Variants in SUPV3L1 observed in about 807,000 individuals in gnomAD.
SUPV3L1 encodes Suv3 like RNA helicase.
SUPV3L1 carries 35 observed loss-of-function variants against 70.0 expected under a neutral mutation model. That is an observed-to-expected ratio of 0.50 (90% CI 0.38 to 0.66). SUPV3L1 has a LOEUF of 0.66. Ranked by LOEUF, SUPV3L1 falls within the 30% of genes least tolerant of loss-of-function variation. The pLI, the probability that SUPV3L1 is intolerant of heterozygous loss-of-function variation, is 0.00. For missense variants in SUPV3L1, 777 were observed against 961.5 expected, an observed-to-expected ratio of 0.81 and a Z score of 2.54; for synonymous variants, 364 against 341.9, an observed-to-expected ratio of 1.06 and a Z score of -0.71.
rs770417431 is a variant in SUPV3L1, at chr10:69,200,411, G to A, written c.1430G>A (p.Arg477Gln). 9 of 1,614,012 alleles carry A rather than the reference G, an allele frequency of 5.6e-6. No individual in the cohort carries two copies. The highest frequency in any genetic ancestry group is 4.4e-5 in the South Asian group (4 of 91,084). ...GGCAGAGCTGGCAGATTCAGCTCAC[G>A]GTTTAAAGAAGGAGAGGTTACAACA... ...IAGRAGRFSS[R>Q]FKEGEVTTMN... The change falls in exon 11 of 15, where the codon CGG becomes CAG. Residue 477 changes from arginine (R) to glutamine (Q), a missense_variant. By Grantham distance (43) the Arg-to-Gln change is conservative. Around this residue, in one of 2 missense-constraint regions of SUPV3L1, gnomAD observed 619 missense variants for 823.3 expected, o/e 0.75. Coordinates refer to ENST00000359655, the MANE Select transcript of SUPV3L1 (RefSeq NM_003171.5).
At position 69,191,714 on chromosome 10, in the gene SUPV3L1, A is replaced by G. The variant is rs1842403616; in HGVS notation, c.801A>G (p.Lys267=). 1 of 1,614,034 alleles carries G rather than the reference A, an allele frequency of 6.2e-7. No individual in the cohort carries two copies. The highest frequency in any genetic ancestry group is 8.5e-7 in the Non-Finnish European group (1 of 1,179,992). Residue 267 remains lysine (K), a synonymous_variant, in exon 6 of 15, where the codon AAA becomes AAG. Coordinates refer to ENST00000359655, the MANE Select transcript of SUPV3L1 (RefSeq NM_003171.5). ...GTGTGACAGTTCAGCCAAATGGGAA[A>G]CAGGCTTCACATGTTTCTTGTACAG... ...EERVTVQPNG[K]QASHVSCTVE...
intron 14 of SUPV3L1, among the ~76,000 whole-genome samples, 169 bp from the exon 15 acceptor site, chr10:69,208,431 T>G (rs1842892504): frequency 6.6e-6 from 1 of 152,226 alleles, no homozygotes; most frequent in South Asian, 2.1e-4. Context: ...GGATGACATA[T>G]TCCTCCGATA....
At chr10:69,206,783 T>C (rs1325141318) in intron 13 of SUPV3L1, among the ~76,000 whole-genome samples, 4 of 151,966 alleles carry the variant, frequency 2.6e-5, no homozygotes, top group African/African-American at 9.7e-5. Flanking sequence ...CCGAGGCGGG[T>C]GGATCACAAG....
At chr10:69,182,541 TGTAAATGTC>T in intron 1 of SUPV3L1, 6 of 985,400 alleles carry the variant, frequency 6.1e-6, no homozygotes, top group Non-Finnish European at 7.2e-6. Context: ...CACCTGAAAA[TGTAAATGTC>T]TTTGCTGCTT....
At chr10:69,196,087 T>C (rs1463417184) in intron 7 of SUPV3L1, among the ~76,000 whole-genome samples, 1 of 152,190 alleles carries the variant, frequency 6.6e-6, no homozygotes, top group Non-Finnish European at 1.5e-5. Flanking sequence ...GATAGGCTCC[T>C]GTAAGTGGAG....
chr10:69,194,218 A>G (rs2132285714), intron 6 of SUPV3L1, among the ~76,000 whole-genome samples: 1 of 152,238 alleles, frequency 6.6e-6, no homozygotes, highest in Admixed American at 6.5e-5. Flanking sequence ...AAGAGTATGG[A>G]CTTGGAGCTG....
chr10:69,207,803 A>G lies in SUPV3L1; in HGVS notation c.1787A>G (p.Gln596Arg). ...CTCTTTCTCTCTCAGTTTGCCAGGC[A>G]GTATAGCAGGAATGAGCCCCTGACC... ...VCSSLLQFAR[Q>R]YSRNEPLTFA... Residue 596 changes from glutamine (Q) to arginine (R), a missense_variant, in exon 14 of 15, where the codon CAG becomes CGG. By Grantham distance (43) the Gln-to-Arg change is conservative. Around this residue, in one of 2 missense-constraint regions of SUPV3L1, gnomAD observed 619 missense variants for 823.3 expected, o/e 0.75. Transcript: ENST00000359655. The G allele has an allele frequency of 6.2e-7, 1 of 1,612,854 alleles. No individual in the cohort carries two copies. The highest frequency in any genetic ancestry group is 8.5e-7 in the Non-Finnish European group (1 of 1,179,482).
Position 69,209,017 on chromosome 10 carries a change from G to A in SUPV3L1, c.2343G>A (p.Lys781=). ...CAAAAGGGACGAGAAGAAAGAAGAA[G>A]GAACCTGATTCGGACTAGTTTTCTG... The part of the protein sequence containing the change: ...THPKGTRRKK[K]EPDSD The change falls in exon 15 of 15, where the codon AAG becomes AAA. Residue 781 remains lysine (K), a synonymous_variant. Transcript: ENST00000359655. 1 of 1,540,340 alleles carries A rather than the reference G, an allele frequency of 6.5e-7. No individual in the cohort carries two copies. The highest frequency in any genetic ancestry group is 8.7e-7 in the Non-Finnish European group (1 of 1,144,540).
chr10:69,202,944 G>A lies in SUPV3L1; in HGVS notation c.1677G>A (p.Glu559=). Residue 559 remains glutamate, a synonymous_variant, in exon 13 of 15, where the codon GAG becomes GAA. Transcript: ENST00000359655. Reference sequence around the variant, plus strand: ...TGGATGATTTTAAATTTTCTGCAGAGTTGATCCAGCATATTCCACTAAGTC... The same window carrying A: ...TGGATGATTTTAAATTTTCTGCAGAATTGATCCAGCATATTCCACTAAGTC... ...CNMDDFKFSA[E]LIQHIPLSLR... is the part of the protein sequence containing the mutation. 2 of 1,614,090 alleles carry A rather than the reference G, an allele frequency of 1.2e-6. No homozygotes were observed. The highest frequency in any genetic ancestry group is 1.7e-6 in the Non-Finnish European group (2 of 1,179,994).
chr10:69,182,617 G>A (rs1842096271), intron 1 of SUPV3L1: 1 of 985,306 alleles, frequency 1.0e-6, no homozygotes, highest in Admixed American at 6.1e-5. Context: ...TTCTTCTGGT[G>A]GAGAATCCTT....
In SUPV3L1 at chr10:69,188,719, G is replaced by A. The variant is rs181833718; in HGVS notation, c.573-548G>A. ...TCACCATGTTGGCCAGGCTGGTCTCGAGCTCCTGACCTCAAGTGATCCTCC... is the reference window on the plus strand; with the variant it reads ...TCACCATGTTGGCCAGGCTGGTCTCAAGCTCCTGACCTCAAGTGATCCTCC... On this transcript the variant is annotated intron_variant, in intron 4 of 14. Coordinates refer to ENST00000359655, the MANE Select transcript of SUPV3L1 (RefSeq NM_003171.5). Among the ~76,000 whole-genome samples the A allele has an allele frequency of 2.4e-3, 358 of 152,062 alleles. 5 individuals are homozygous for A. Among genetic ancestry groups the A allele is most frequent in the African/African-American group, 8.1e-3 (336 of 41,484 alleles).
At position 69,189,299 on chromosome 10, in the gene SUPV3L1, T is replaced by C. The variant is rs1842323015; in HGVS notation, c.605T>C (p.Ile202Thr). The C allele has an allele frequency of 6.2e-7, 1 of 1,614,082 alleles. No individual in the cohort carries two copies. The highest frequency in any genetic ancestry group is 8.5e-7 in the Non-Finnish European group (1 of 1,179,998). The part of the protein sequence containing the change: ...YPDARAMQRK[I>T]IFHSGPTNSG... The stretch of plus-strand genomic sequence containing the variant: ...GATGCTAGAGCCATGCAGCGGAAGA[T>C]AATATTTCATTCAGGCCCCACAAAC... Residue 202 changes from isoleucine to threonine, a missense_variant, in exon 5 of 15, where the codon ATA becomes ACA. By Grantham distance (89) the Ile-to-Thr change is moderately conservative. Transcript: ENST00000359655.
In SUPV3L1 at chr10:69,208,993, A is replaced by G. The variant is rs772569360; in HGVS notation, c.2319A>G (p.Pro773=). 3 of 1,593,860 alleles carry G rather than the reference A, an allele frequency of 1.9e-6. No homozygotes were observed. The highest frequency in any genetic ancestry group is 2.3e-5 in the South Asian group (2 of 86,740). ...NKEKTESGTH[P]KGTRRKKKEP... Reference sequence around the variant, plus strand: ...AAAAAACAGAGTCTGGGACTCATCCAAAAGGGACGAGAAGAAAGAAGAAGG... The same window carrying G: ...AAAAAACAGAGTCTGGGACTCATCCGAAAGGGACGAGAAGAAAGAAGAAGG... The change falls in exon 15 of 15, where the codon CCA becomes CCG. Residue 773 remains proline (P), a synonymous_variant. Transcript: ENST00000359655.
chr10:69,196,955 A>G (rs886686184), intron 7 of SUPV3L1, 37 bp from the exon 8 acceptor site: 2 of 1,565,226 alleles, frequency 1.3e-6, no homozygotes, highest in African/African-American at 1.4e-5. Flanking sequence ...TTAATTATAA[A>G]TCTTTAAAAT....
intron 6 of SUPV3L1, 83 bp downstream of exon 6, chr10:69,191,849 C>T: frequency 1.9e-6 from 2 of 1,049,008 alleles, no homozygotes; most frequent in Non-Finnish European, 2.8e-6. Flanking sequence ...CTCTGTTGTC[C>T]AGGCTGGAAT....
rs1377427026 is a variant in SUPV3L1, at chr10:69,203,003, T to C, written c.1736T>C (p.Ile579Thr). The C allele has an allele frequency of 6.2e-7, 1 of 1,613,996 alleles. No homozygotes were observed. The highest frequency in any genetic ancestry group is 1.3e-5 in the African/African-American group (1 of 75,052). Residue 579 changes from isoleucine to threonine, a missense_variant, in exon 13 of 15, where the codon ATC (isoleucine) becomes ACC (threonine). Transcript: ENST00000359655. ...AGGTATGTTTTCTGCACAGCTCCTA[T>C]CAACAAGAAGCAGCCTTTTGTGTGT... The part of the protein sequence containing the change: ...RVRYVFCTAP[I>T]NKKQPFVCSS...
intron 5 of SUPV3L1, among the ~76,000 whole-genome samples, chr10:69,189,917 A>T (rs1372405783): frequency 6.6e-6 from 1 of 152,194 alleles, no homozygotes; most frequent in East Asian, 1.9e-4. Flanking sequence ...AAGTGCTGGG[A>T]TTACAGGCGT....
At chr10:69,186,085 A>C (rs1455024719) in intron 2 of SUPV3L1, 21 bp downstream of exon 2, 3 of 1,602,628 alleles carry the variant, frequency 1.9e-6, no homozygotes, top group Non-Finnish European at 1.7e-6. Context: ...AAACATCTTC[A>C]TAGAGGTATT....
rs572113424 is a variant in SUPV3L1, at chr10:69,184,869, G to T, written c.272-1118G>T. Reference sequence around the variant, plus strand: ...GCCTTTCTGAATTTCATGGGTAAAGGCTGTGTCCTCATTGTGGCTTCTCCT... The same window carrying T: ...GCCTTTCTGAATTTCATGGGTAAAGTCTGTGTCCTCATTGTGGCTTCTCCT... On this transcript the variant is annotated intron_variant, in intron 1 of 14. Coordinates refer to ENST00000359655, the MANE Select transcript of SUPV3L1 (RefSeq NM_003171.5). Among the ~76,000 whole-genome samples the T allele has an allele frequency of 5.9e-4, 90 of 152,288 alleles. 1 individual carries two copies. The South Asian group carries it at 0.017, about 29-fold the overall frequency.
Sources: gnomAD v4.1 joint callset for allele counts (sites outside exome capture counted in the v4.1 genomes callset) on GRCh38, gnomAD v4.1.1 for gene constraint, gnomAD v4.1.1 regional missense constraint, MANE v1.5 for transcripts, NCBI Gene and HGNC (gene_info 2026-07-23, HGNC 2026-07-21) for gene names.